DCUN1D3: variants seen among roughly 807,000 people sequenced by gnomAD.
DCUN1D3 encodes defective in cullin neddylation 1 domain containing 3.
A neutral mutation model predicts 24.8 loss-of-function variants in DCUN1D3; 6 were observed. The ratio of observed to expected loss-of-function variants is 0.24; its 90% CI spans 0.13 to 0.48. The LOEUF (loss-of-function observed/expected upper bound fraction) is 0.48, where lower values mean the gene tolerates loss of function less well. Ranked by LOEUF, DCUN1D3 falls within the 20% of genes least tolerant of loss-of-function variation. The pLI is 0.99. For synonymous variants in DCUN1D3, 120 were observed against 144.9 expected (o/e 0.83, Z 1.24); for missense variants, 258 against 379.4 (o/e 0.68, Z 2.66).
In DCUN1D3 at chr16:20,858,154, C is replaced by T. The variant is rs2081711458; in HGVS notation, c.*1732G>A. The stretch of plus-strand genomic sequence containing the variant: ...GGAAGCTGAACTATACAAGTTCCTG[C>T]CACCCATCCTTCCAGTACAGTTTTC... On this transcript the variant is annotated 3_prime_UTR_variant, in exon 3 of 3. Coordinates refer to ENST00000324344, the MANE Select transcript of DCUN1D3 (RefSeq NM_173475.4). The T allele has an allele frequency of 6.6e-6, 1 of 152,604 alleles. No homozygotes were observed. Among genetic ancestry groups the T allele is most frequent in the African/African-American group, 2.4e-5 (1 of 41,436 alleles). The allele number at this position is 152,604 out of a possible 1,614,324, so 9.5% of individuals were successfully genotyped here.
intron 1 of DCUN1D3, among the ~76,000 whole-genome samples, chr16:20,876,713 A>T (rs2081817515): frequency 6.6e-6 from 1 of 152,246 alleles, no homozygotes; most frequent in South Asian, 2.1e-4. Flanking sequence ...GTGCCCATCC[A>T]TGGATGAATG....
intron 1 of DCUN1D3, among the ~76,000 whole-genome samples, chr16:20,898,880 A>C (rs1265584105): frequency 6.6e-6 from 1 of 152,266 alleles, no homozygotes; most frequent in Non-Finnish European, 1.5e-5. Context: ...AGAGGCTAGA[A>C]GAGTGCTCCT....
chr16:20,887,321 TA>T (rs1436816979), intron 1 of DCUN1D3, among the ~76,000 whole-genome samples: 1 of 151,930 alleles, frequency 6.6e-6, no homozygotes, highest in Non-Finnish European at 1.5e-5. Flanking sequence ...GTAAATACAA[TA>T]AAAAACAGAA....
At chr16:20,894,789 T>A (rs1183210313) in intron 1 of DCUN1D3, among the ~76,000 whole-genome samples, 1 of 152,244 alleles carries the variant, frequency 6.6e-6, no homozygotes, top group African/African-American at 2.4e-5. Flanking sequence ...GCTTCCCTGT[T>A]CTGATGTATG....
At chr16:20,873,568 C>T (rs140627554) in intron 1 of DCUN1D3, among the ~76,000 whole-genome samples, 103 of 152,332 alleles carry the variant, frequency 6.8e-4, no homozygotes, top group African/African-American at 2.2e-3. Context: ...TTGTAGCAGA[C>T]GTGTCTGCCT....
intron 1 of DCUN1D3, among the ~76,000 whole-genome samples, chr16:20,867,440 G>A (rs2081768026): frequency 3.3e-5 from 5 of 152,178 alleles, no homozygotes; most frequent in South Asian, 2.1e-4. Flanking sequence ...ACGTGGAAAC[G>A]AGAATTAGTC....
At position 20,858,003 on chromosome 16, in the gene DCUN1D3, C is replaced by T. The variant is rs1034293239; in HGVS notation, c.*1883G>A. 1 of 152,638 alleles carries T rather than the reference C, an allele frequency of 6.6e-6. No homozygotes were observed. Among genetic ancestry groups the T allele is most frequent in the African/African-American group, 2.4e-5 (1 of 41,530 alleles). 9.5% of individuals were successfully genotyped at this position (152,638 alleles called of 1,614,324 possible). On this transcript the variant is annotated 3_prime_UTR_variant, in exon 3 of 3. Coordinates refer to ENST00000324344, the MANE Select transcript of DCUN1D3 (RefSeq NM_173475.4). ...GCTGAGAAACATACCTGGGACGCAG[C>T]GGGGTATTAGGTTAAGGGAGAAACC...
chr16:20,876,991 G>T (rs1229242599), intron 1 of DCUN1D3, among the ~76,000 whole-genome samples: 1 of 152,066 alleles, frequency 6.6e-6, no homozygotes. Context: ...GTGGGTTAGT[G>T]GGTACAAACA....
chr16:20,886,984 T>C (rs1270615479), intron 1 of DCUN1D3, among the ~76,000 whole-genome samples: 1 of 152,232 alleles, frequency 6.6e-6, no homozygotes, highest in African/African-American at 2.4e-5. Context: ...ATAGGTGTGA[T>C]ATGATAGTTA....
chr16:20,880,839 C>G (rs1488427219), intron 1 of DCUN1D3, among the ~76,000 whole-genome samples: 13 of 152,050 alleles, frequency 8.5e-5, no homozygotes, highest in Non-Finnish European at 1.6e-4. Context: ...AACATTTTTA[C>G]ACATATCAAC....
intron 1 of DCUN1D3, among the ~76,000 whole-genome samples, chr16:20,886,977 G>C (rs1224677657): frequency 2.6e-5 from 4 of 152,176 alleles, no homozygotes; most frequent in African/African-American, 9.7e-5. Flanking sequence ...TGAATTCATA[G>C]GTGTGATATG....
rs1208426279 is a variant in DCUN1D3 at position 20,860,192 on chromosome 16, T to C, written c.609A>G (p.Glu203=). Residue 203 remains glutamate, a synonymous_variant, in exon 3 of 3, where the codon GAA becomes GAG. Coordinates refer to ENST00000324344, the MANE Select transcript of DCUN1D3 (RefSeq NM_173475.4). The surrounding 1 kb of genome is among the most constrained non-coding windows in gnomAD (Gnocchi z 4.3). The part of the protein sequence containing the change: ...SEEGQRSLHR[E]IAIALWKLVF... ...CTAGTTTCCACAGGGCAATGGCTAT[T>C]TCCCGATGCAGTGACCGCTGCCCTT... 1.2e-6 allele frequency: 2 copies of C among 1,614,112 alleles called. No individual in the cohort carries two copies. The highest frequency in any genetic ancestry group is 2.7e-5 in the African/African-American group (2 of 74,952).
chr16:20,862,569 C>T lies in DCUN1D3; in HGVS notation c.-31G>A, dbSNP rs1390193571. The T allele has an allele frequency of 1.9e-6, 3 of 1,569,322 alleles. No individual in the cohort carries two copies. The highest frequency in any genetic ancestry group is 2.6e-6 in the Non-Finnish European group (3 of 1,164,242). On this transcript the variant is annotated 5_prime_UTR_variant, in exon 2 of 3. Coordinates refer to ENST00000324344, the MANE Select transcript of DCUN1D3 (RefSeq NM_173475.4). ...TGGTGGCCTGGCCTCTAGAGTGGAC[C>T]CCTCTGGATTGGATGCCCTCGCTGC...
intron 1 of DCUN1D3, among the ~76,000 whole-genome samples, chr16:20,867,421 C>A (rs973294920): frequency 3.3e-5 from 5 of 152,194 alleles, no homozygotes; most frequent in African/African-American, 1.2e-4. Context: ...CCAGGCTCAG[C>A]CCCACCAGAC....
chr16:20,862,168 T>C lies in DCUN1D3; in HGVS notation c.371A>G (p.Glu124Gly). ...CCAAGCCAAGAGCAGCACTCGAAAT[T>C]CTGTGGGGTCAACACACAGGTCATT... ...FCNDLCVDPT[E>G]FRVLLLAWKF... The change falls in exon 2 of 3, where the codon GAA (glutamate) becomes GGA (glycine). Residue 124 changes from glutamate to glycine, a missense_variant. Glu to Gly is a moderately conservative substitution (Grantham distance 98). Coordinates refer to ENST00000324344, the MANE Select transcript of DCUN1D3 (RefSeq NM_173475.4). 1 of 1,614,206 alleles carries C rather than the reference T, an allele frequency of 6.2e-7. No homozygotes were observed. Among genetic ancestry groups the C allele is most frequent in the Non-Finnish European group, 8.5e-7 (1 of 1,180,040 alleles).
chr16:20,868,473 G>C (rs1252821508), intron 1 of DCUN1D3, among the ~76,000 whole-genome samples: 3 of 152,174 alleles, frequency 2.0e-5, no homozygotes, highest in Non-Finnish European at 4.4e-5. Context: ...CAAATAATGG[G>C]AACTGTCCGC....
In DCUN1D3 at chr16:20,859,540, C is replaced by CAAA. The variant is rs61506075; in HGVS notation, c.*343_*345dup. 25 of 71,474 alleles carry CAAA rather than the reference C, an allele frequency of 3.5e-4. No homozygotes were observed. Among genetic ancestry groups the CAAA allele is most frequent in the African/African-American group, 6.8e-4 (11 of 16,114 alleles). 4.4% of individuals were successfully genotyped at this position (71,474 alleles called of 1,614,324 possible). On this transcript the variant is annotated 3_prime_UTR_variant, in exon 3 of 3. Transcript: ENST00000324344. ...CGCCCTGCTCTATGCCCTCCCCTAC[C>CAAA]AAAAAAAAAAAAAAAAAAACAAAAA...
chr16:20,862,345 G>A lies in DCUN1D3; in HGVS notation c.194C>T (p.Ala65Val), dbSNP rs1224566273. 1.2e-6 allele frequency: 2 copies of A among 1,614,110 alleles called. No homozygotes were observed. Among genetic ancestry groups the A allele is most frequent in the Non-Finnish European group, 1.7e-6 (2 of 1,180,038 alleles). ...TCCCGAGGACGTTGGCAGCTGGCAG[G>A]CCTCAGTGGCAGCCTCGGCCTTCTT... is the stretch of plus-strand genomic sequence containing the variant. ...GTKKAEAATE[A>V]CQLPTSSGDA... Residue 65 changes from alanine (A) to valine (V), a missense_variant, in exon 2 of 3, where the codon GCC (alanine) becomes GTC (valine). Coordinates refer to ENST00000324344, the MANE Select transcript of DCUN1D3 (RefSeq NM_173475.4).
rs528908952 is a variant in DCUN1D3 at position 20,891,743 on chromosome 16, T to G, written c.-106+8461A>C. ...AACAATTTGGCCAAACCAGCCACTG[T>G]GTCCCTGTGCTCATCCCTCTTAGGC... On this transcript the variant is annotated intron_variant, in intron 1 of 2. Coordinates refer to ENST00000324344, the MANE Select transcript of DCUN1D3 (RefSeq NM_173475.4). Among the ~76,000 whole-genome samples, 230 of 152,364 alleles carry G rather than the reference T, an allele frequency of 1.5e-3. 1 individual carries two copies. The highest frequency in any genetic ancestry group is 5.3e-3 in the African/African-American group (222 of 41,598).
Sources: allele counts gnomAD v4.1 joint callset (sites outside exome capture counted in the v4.1 genomes callset), GRCh38; gene constraint gnomAD v4.1.1; non-coding constraint Gnocchi (gnomAD v3.1); transcripts MANE v1.5; gene names NCBI Gene and HGNC (gene_info 2026-07-23, HGNC 2026-07-21).